LHFPL3: variants seen among roughly 807,000 people sequenced by gnomAD.
The protein encoded by LHFPL3 is LHFPL tetraspan subfamily member 3 protein.
Under a neutral mutation model 19.3 loss-of-function variants are expected in LHFPL3, and 5 were observed. That is an observed-to-expected ratio of 0.26 (90% CI 0.14 to 0.54). The LOEUF (loss-of-function observed/expected upper bound fraction) is 0.54, where lower values mean the gene tolerates loss of function less well. LHFPL3 is among the 20% of genes least tolerant of loss of function. The pLI is 0.94. For missense variants in LHFPL3, 249 were observed against 307.4 expected, an observed-to-expected ratio of 0.81 and a Z score of 1.42; for synonymous variants, 133 against 126.2, an observed-to-expected ratio of 1.05 and a Z score of -0.36.
At chr7:104,896,987 G>A (rs539469382) in intron 2 of LHFPL3, among the ~76,000 whole-genome samples, 1 of 151,958 alleles carries the variant, frequency 6.6e-6, no homozygotes, top group Non-Finnish European at 1.5e-5. Context: ...TTGGGAGGCT[G>A]AGGCAGGAGA....
intron 2 of LHFPL3, among the ~76,000 whole-genome samples, chr7:104,758,849 G>A (rs1794329126): frequency 2.0e-5 from 3 of 152,078 alleles, no homozygotes; most frequent in African/African-American, 7.2e-5. Context: ...AAAAGAAGAC[G>A]AAATATTTAA....
chr7:104,667,706 G>T (rs1792382849), intron 1 of LHFPL3: 2 of 1,366,474 alleles, frequency 1.5e-6, no homozygotes, highest in Non-Finnish European at 1.0e-6. Context: ...CAACTTAGAG[G>T]AGTACTTAAA....
In LHFPL3 at chr7:104,574,944, AC is replaced by A. The variant is rs1332093439; in HGVS notation, c.446-161728del. Among the ~76,000 whole-genome samples, 7 of 152,328 alleles carry A rather than the reference AC, an allele frequency of 4.6e-5. No homozygotes were observed. The East Asian group carries it at 1.3e-3, about 29-fold the overall frequency. ...TCCTGGAGAAAGGACAAAAAAGGGT[AC>A]CCTGTACATTTTAAGTAAAATATAA... On this transcript the variant is annotated intron_variant, in intron 1 of 2. Coordinates refer to ENST00000424859, the MANE Select transcript of LHFPL3 (RefSeq NM_199000.3).
chr7:104,439,146 T>C (rs1283482589), intron 1 of LHFPL3, among the ~76,000 whole-genome samples: 1 of 152,166 alleles, frequency 6.6e-6, no homozygotes, highest in East Asian at 1.9e-4. Context: ...CACTGGTGAA[T>C]TAAGGAAGGA....
intron 1 of LHFPL3, among the ~76,000 whole-genome samples, chr7:104,517,451 C>T (rs186475377): frequency 1.3e-5 from 2 of 149,896 alleles, no homozygotes; most frequent in Non-Finnish European, 3.0e-5. Flanking sequence ...AATGTTAAAT[C>T]AATCATCCTG....
At chr7:104,659,540 C>T (rs535993651) in intron 1 of LHFPL3, among the ~76,000 whole-genome samples, 1 of 152,294 alleles carries the variant, frequency 6.6e-6, no homozygotes, top group African/African-American at 2.4e-5. Context: ...TTCCTGAATG[C>T]TTCTGGTGCC....
intron 1 of LHFPL3, among the ~76,000 whole-genome samples, chr7:104,371,932 G>A (rs779904399): frequency 2.0e-5 from 3 of 152,192 alleles, no homozygotes; most frequent in Non-Finnish European, 2.9e-5. Context: ...GAATTTTCTC[G>A]CTGCTAGTTG....
chr7:104,840,405 C>CAAGCCT (rs982409645), intron 2 of LHFPL3, among the ~76,000 whole-genome samples: 11 of 139,308 alleles, frequency 7.9e-5, no homozygotes, highest in Admixed American at 2.2e-4. Flanking sequence ...CCCTCAGGTT[C>CAAGCCT]AAGCCTCAGC....
chr7:104,648,040 CT>C (rs1182616348), intron 1 of LHFPL3, among the ~76,000 whole-genome samples: 6 of 152,170 alleles, frequency 3.9e-5, no homozygotes, highest in Non-Finnish European at 7.3e-5. Flanking sequence ...AGGAATGCCC[CT>C]AATGAGATAA....
intron 1 of LHFPL3, among the ~76,000 whole-genome samples, chr7:104,704,397 C>T (rs1009276680): frequency 3.9e-5 from 6 of 152,112 alleles, no homozygotes; most frequent in African/African-American, 1.4e-4. Context: ...CAGTCCTAGT[C>T]ATATGAGTAT....
At chr7:104,541,077 AT>A (rs1188321644) in intron 1 of LHFPL3, among the ~76,000 whole-genome samples, 5 of 145,396 alleles carry the variant, frequency 3.4e-5, no homozygotes, top group Non-Finnish European at 6.0e-5. Flanking sequence ...GCTTCTGCTT[AT>A]TTTCCATATA....
At chr7:104,592,877 C>T (rs754351167) in intron 1 of LHFPL3, among the ~76,000 whole-genome samples, 1 of 152,166 alleles carries the variant, frequency 6.6e-6, no homozygotes, top group African/African-American at 2.4e-5. Context: ...GTGAGTGAGG[C>T]TCCATGGGCT....
intron 1 of LHFPL3, among the ~76,000 whole-genome samples, chr7:104,602,480 C>G (rs1790989731): frequency 2.0e-5 from 3 of 152,148 alleles, no homozygotes; most frequent in Admixed American, 6.5e-5. Context: ...CTCAGAATTC[C>G]TTGCTTGTCA....
intron 1 of LHFPL3, among the ~76,000 whole-genome samples, chr7:104,631,165 G>A (rs1032043115): frequency 1.3e-5 from 2 of 152,012 alleles, no homozygotes; most frequent in Non-Finnish European, 2.9e-5. Flanking sequence ...CAACAACAAA[G>A]CATTTAAAAT....
intron 1 of LHFPL3, among the ~76,000 whole-genome samples, chr7:104,549,101 A>G (rs1318069275): frequency 6.6e-6 from 1 of 152,076 alleles, no homozygotes; most frequent in Non-Finnish European, 1.5e-5. Context: ...ACAGGAAGTA[A>G]TGAAGGAACC....
intron 1 of LHFPL3, among the ~76,000 whole-genome samples, chr7:104,608,502 G>A (rs1205938922): frequency 4.1e-5 from 5 of 122,350 alleles, no homozygotes; most frequent in Admixed American, 8.5e-5. Context: ...GTTGTGGGGT[G>A]GGGGGAGGGG....
At chr7:104,481,439 C>G (rs1281951838) in intron 1 of LHFPL3, among the ~76,000 whole-genome samples, 1 of 152,166 alleles carries the variant, frequency 6.6e-6, no homozygotes, top group Non-Finnish European at 1.5e-5. Context: ...TCATCTCTCA[C>G]TTTCCCTCAC....
chr7:104,330,408 T>C (rs746938098), intron 1 of LHFPL3, among the ~76,000 whole-genome samples: 3 of 152,242 alleles, frequency 2.0e-5, no homozygotes, highest in Non-Finnish European at 4.4e-5. Flanking sequence ...GTTTATTCTA[T>C]TCCTGGGAAG....
chr7:104,484,758 G>A (rs1275622692), intron 1 of LHFPL3, among the ~76,000 whole-genome samples: 3 of 152,190 alleles, frequency 2.0e-5, no homozygotes. Flanking sequence ...CCATGAGGGG[G>A]GAAGGCAGAA....
Sources: allele counts gnomAD v4.1 joint callset (sites outside exome capture counted in the v4.1 genomes callset), GRCh38; gene constraint gnomAD v4.1.1; transcripts MANE v1.5; gene names NCBI Gene and HGNC (gene_info 2026-07-23, HGNC 2026-07-21).